The following CACNA2D3 variants were observed in gnomAD, a reference collection of about 807,000 sequenced individuals.
CACNA2D3 encodes voltage-dependent calcium channel subunit alpha-2/delta-3.
Under a neutral mutation model 160.6 loss-of-function variants are expected in CACNA2D3, and 60 were observed. The ratio of observed to expected loss-of-function variants is 0.37; its 90% CI spans 0.30 to 0.46. The LOEUF (loss-of-function observed/expected upper bound fraction) is 0.46, where lower values mean the gene tolerates loss of function less well. CACNA2D3 is among the 20% of genes least tolerant of loss of function. CACNA2D3 has a pLI of 1.00. For synonymous variants in CACNA2D3, 558 were observed against 492.9 expected (o/e 1.13, Z -1.75); for missense variants, 1,205 against 1,365.0 (o/e 0.88, Z 1.85).
chr3:54,881,324 G>A (rs966125224), intron 21 of CACNA2D3, among the ~76,000 whole-genome samples: 1 of 152,114 alleles, frequency 6.6e-6, no homozygotes, highest in Non-Finnish European at 1.5e-5. Flanking sequence ...GTTGAGCCAC[G>A]TATTTCACTT....
intron 3 of CACNA2D3, among the ~76,000 whole-genome samples, chr3:54,328,002 C>T (rs768671412): frequency 1.2e-4 from 18 of 152,098 alleles, no homozygotes; most frequent in South Asian, 4.1e-4. Flanking sequence ...TGATGGCATC[C>T]GTAGTGTTTC....
intron 5 of CACNA2D3, among the ~76,000 whole-genome samples, chr3:54,547,198 A>G (rs1340463639): frequency 6.6e-6 from 1 of 152,208 alleles, no homozygotes; most frequent in African/African-American, 2.4e-5. Context: ...CTTGGCTAAC[A>G]TTACTGGAAG....
rs1297209318 is a variant in CACNA2D3, at chr3:54,562,874, C to T, written c.619C>T (p.Pro207Ser). The T allele has an allele frequency of 6.2e-7, 1 of 1,613,330 alleles. No homozygotes were observed. Among genetic ancestry groups the T allele is most frequent in the East Asian group, 2.2e-5 (1 of 44,880 alleles). The change falls in exon 6 of 38, where the codon CCA (proline) becomes TCA (serine). Residue 207 changes from proline (P) to serine (S), a missense_variant. This residue lies in a region of CACNA2D3 where 131 missense variants were observed against 201.5 expected (regional missense o/e 0.65). Transcript: ENST00000474759. ...TTTTGTAGATAACTTTGACCGTGAC[C>T]CATCTCTCATATGGCAGTACTTTGG... ...KVFVDNFDRD[P>S]SLIWQYFGSA...
chr3:55,004,821 G>T lies in CACNA2D3; in HGVS notation c.2749G>T (p.Ala917Ser), dbSNP rs768809129. The T allele has an allele frequency of 1.2e-6, 2 of 1,612,770 alleles. No individual in the cohort carries two copies. Among genetic ancestry groups the T allele is most frequent in the Non-Finnish European group, 1.7e-6 (2 of 1,179,020 alleles). ...CRANKESSDG[A>S]HGLLDPYNAF... ...AGCCAACAAGGAAAGCAGCGATGGC[G>T]CCCATGGCCTCCTGGATGTAAGTAC... Residue 917 changes from alanine to serine, a missense_variant, in exon 32 of 38, where the codon GCC becomes TCC. Ala to Ser is a moderately conservative substitution (Grantham distance 99, BLOSUM62 1). This residue lies in a region of CACNA2D3 where 911 missense variants were observed against 1,002.2 expected (regional missense o/e 0.91). Coordinates refer to ENST00000474759, the MANE Select transcript of CACNA2D3 (RefSeq NM_018398.3).
At chr3:54,245,573 C>T (rs1346611119) in intron 2 of CACNA2D3, among the ~76,000 whole-genome samples, 2 of 152,140 alleles carry the variant, frequency 1.3e-5, no homozygotes, top group Non-Finnish European at 2.9e-5. Context: ...ACTGAAAGCA[C>T]CTTGGGCTAA....
At chr3:54,535,721 TAGC>T (rs1701879357) in intron 5 of CACNA2D3, among the ~76,000 whole-genome samples, 1 of 152,244 alleles carries the variant, frequency 6.6e-6, no homozygotes, top group African/African-American at 2.4e-5. Flanking sequence ...GAATATATGA[TAGC>T]AGGCTGTGTC....
rs569469893 is a variant in CACNA2D3 at position 54,306,962 on chromosome 3, C to T, written c.205-13480C>T. Among the ~76,000 whole-genome samples the T allele has an allele frequency of 1.1e-4, 16 of 152,164 alleles. No individual in the cohort carries two copies. The South Asian group carries it at 2.1e-3, about 20-fold the overall frequency. On this transcript the variant is annotated intron_variant, in intron 2 of 37. Coordinates refer to ENST00000474759, the MANE Select transcript of CACNA2D3 (RefSeq NM_018398.3). ...CACAAACAGAAGATCGGGTAGCTGC[C>T]GCATGCCCCCCGCCCTGCCGACACA...
At chr3:54,126,278 G>T (rs1699588495) in intron 2 of CACNA2D3, among the ~76,000 whole-genome samples, 1 of 152,156 alleles carries the variant, frequency 6.6e-6, no homozygotes, top group Non-Finnish European at 1.5e-5. Flanking sequence ...AATTGGCCAT[G>T]CATCTATTTT....
chr3:54,907,204 C>A (rs62254541), intron 27 of CACNA2D3, among the ~76,000 whole-genome samples: 3,291 of 152,296 alleles, frequency 0.022, 57 homozygotes, highest in Non-Finnish European at 0.034. Flanking sequence ...GGGATGTGGA[C>A]ATAAAAGACA....
At chr3:54,515,466 A>G (rs762986052) in intron 5 of CACNA2D3, among the ~76,000 whole-genome samples, 13 of 152,212 alleles carry the variant, frequency 8.5e-5, no homozygotes, top group Non-Finnish European at 1.6e-4. Context: ...ATACGCCTGC[A>G]TGTAAATTGT....
At chr3:54,650,585 G>C (rs1054529158) in intron 11 of CACNA2D3, among the ~76,000 whole-genome samples, 1 of 152,282 alleles carries the variant, frequency 6.6e-6, no homozygotes, top group African/African-American at 2.4e-5. Flanking sequence ...GGCTGGTCTT[G>C]AACTTCTGAC....
At chr3:54,278,233 G>A (rs140197655) in intron 2 of CACNA2D3, among the ~76,000 whole-genome samples, 2 of 152,130 alleles carry the variant, frequency 1.3e-5, no homozygotes, top group African/African-American at 4.8e-5. Context: ...ACAAACATAT[G>A]AAAAAAAGCT....
chr3:54,394,048 G>A (rs1049264812), intron 4 of CACNA2D3, among the ~76,000 whole-genome samples: 1 of 152,128 alleles, frequency 6.6e-6, no homozygotes, highest in African/African-American at 2.4e-5. Context: ...ACCACTATGA[G>A]GTAGGCATCT....
intron 3 of CACNA2D3, among the ~76,000 whole-genome samples, chr3:54,323,127 A>T (rs1234709631): frequency 6.6e-6 from 1 of 152,200 alleles, no homozygotes; most frequent in Non-Finnish European, 1.5e-5. Context: ...ACTGTGAGCC[A>T]TGTGGCTCTC....
intron 2 of CACNA2D3, among the ~76,000 whole-genome samples, chr3:54,280,483 A>G (rs1702851622): frequency 1.3e-5 from 2 of 152,108 alleles, no homozygotes; most frequent in South Asian, 4.1e-4. Flanking sequence ...TCCTGTATTC[A>G]TTAAAGTTCT....
intron 3 of CACNA2D3, among the ~76,000 whole-genome samples, chr3:54,330,208 ATATGTGTGTGTGTGTG>A (rs1345449017): frequency 1.4e-4 from 14 of 103,598 alleles, no homozygotes; most frequent in African/African-American, 2.7e-4. Context: ...TTTTTAATTG[ATATGTGTGTGTGTGTG>A]TGTGTGTGTG....
intron 35 of CACNA2D3, among the ~76,000 whole-genome samples, chr3:55,026,802 C>T (rs949596306): frequency 6.6e-6 from 1 of 152,172 alleles, no homozygotes; most frequent in African/African-American, 2.4e-5. Context: ...TGAAGGACTT[C>T]AAATGCTAAC....
intron 27 of CACNA2D3, among the ~76,000 whole-genome samples, chr3:54,926,699 A>G (rs1230463415): frequency 6.6e-6 from 1 of 152,222 alleles, no homozygotes; most frequent in Non-Finnish European, 1.5e-5. Context: ...GTTGTAGCAT[A>G]TTCCATGGTG....
chr3:54,439,708 G>A (rs1700113813), intron 4 of CACNA2D3, among the ~76,000 whole-genome samples: 1 of 152,100 alleles, frequency 6.6e-6, no homozygotes, highest in African/African-American at 2.4e-5. Flanking sequence ...AGCATGGCTT[G>A]GGGGAGGCAG....
Sources: gnomAD v4.1 joint callset for allele counts (sites outside exome capture counted in the v4.1 genomes callset) on GRCh38, gnomAD v4.1.1 for gene constraint, gnomAD v4.1.1 regional missense constraint, MANE v1.5 for transcripts, NCBI Gene and HGNC (gene_info 2026-07-23, HGNC 2026-07-21) for gene names.